Variants in PDLIM5 observed in about 807,000 individuals in gnomAD.
PDLIM5 encodes PDZ and LIM domain 5, also known as PDZ and LIM domain protein 5.
PDLIM5 carries 34 observed loss-of-function variants against 64.2 expected under a neutral mutation model. The ratio of observed to expected loss-of-function variants is 0.53; its 90% CI spans 0.40 to 0.71. The LOEUF (loss-of-function observed/expected upper bound fraction) is 0.71, where lower values mean the gene tolerates loss of function less well. Among genes scored for constraint, PDLIM5 ranks in the 30% least tolerant of loss-of-function variants. PDLIM5 has a pLI of 0.00. For missense variants in PDLIM5, 683 were observed against 733.6 expected, an observed-to-expected ratio of 0.93 and a Z score of 0.80; for synonymous variants, 253 against 269.1, an observed-to-expected ratio of 0.94 and a Z score of 0.59.
Position 94,554,423 on chromosome 4 carries a change from C to T in PDLIM5, c.249-18928C>T, listed in dbSNP as rs185269161. On this transcript the variant is annotated intron_variant, in intron 3 of 12. Transcript: ENST00000317968. ...ATATTTTGATAGATATCCATCTAGT[C>T]GTTTTTCTCTTCATATGTACTCATT... is the stretch of plus-strand genomic sequence containing the variant. Among the ~76,000 whole-genome samples the T allele has an allele frequency of 2.2e-3, 337 of 152,242 alleles. 1 individual carries two copies. The highest frequency in any genetic ancestry group is 7.3e-3 in the African/African-American group (304 of 41,556).
intron 2 of PDLIM5, among the ~76,000 whole-genome samples, chr4:94,508,274 C>G (rs1728567714): frequency 6.6e-6 from 1 of 152,072 alleles, no homozygotes; most frequent in South Asian, 2.1e-4. Context: ...ACATTTGGTG[C>G]TGTCTTGATA....
At chr4:94,513,879 T>G (rs957993315) in intron 2 of PDLIM5, among the ~76,000 whole-genome samples, 2 of 152,176 alleles carry the variant, frequency 1.3e-5, no homozygotes, top group African/African-American at 4.8e-5. Flanking sequence ...ATGGCTTTTA[T>G]TATGTTGTGG....
At chr4:94,499,076 CA>C (rs1727664275) in intron 2 of PDLIM5, among the ~76,000 whole-genome samples, 1 of 152,004 alleles carries the variant, frequency 6.6e-6, no homozygotes, top group Non-Finnish European at 1.5e-5. Context: ...TGAACACTTT[CA>C]AAATAATTTG....
chr4:94,555,755 T>C (rs889540377), intron 3 of PDLIM5, among the ~76,000 whole-genome samples: 1 of 152,028 alleles, frequency 6.6e-6, no homozygotes, highest in African/African-American at 2.4e-5. Flanking sequence ...GGTATAGGTA[T>C]AGGGTAAGAT....
At chr4:94,616,547 C>T (rs943078772) in intron 7 of PDLIM5, among the ~76,000 whole-genome samples, 6 of 152,182 alleles carry the variant, frequency 3.9e-5, no homozygotes, top group African/African-American at 1.4e-4. Context: ...TAATTTCAAA[C>T]CCTGATTCCA....
In PDLIM5 at chr4:94,523,884, CT is replaced by C. The variant is rs1730085586; in HGVS notation, c.248+14del. ...AATATGACTCTGCAAAGGTAAGTTG[CT>C]TTTTGTTTGTCCCTGAAAGAGAAAA... On this transcript the variant is annotated intron_variant, in intron 3 of 12. Coordinates refer to ENST00000317968, the MANE Select transcript of PDLIM5 (RefSeq NM_006457.5). 6.2e-7 allele frequency: 1 copy of C among 1,605,746 alleles called. No homozygotes were observed. Among genetic ancestry groups the C allele is most frequent in the South Asian group, 1.1e-5 (1 of 90,330 alleles).
intron 4 of PDLIM5, among the ~76,000 whole-genome samples, chr4:94,574,471 C>A (rs1392513152): frequency 6.8e-6 from 1 of 147,074 alleles, no homozygotes; most frequent in Non-Finnish European, 1.5e-5. Context: ...GCACTCCAGC[C>A]TCAGTGACAG....
At chr4:94,604,899 G>C (rs533927067) in intron 7 of PDLIM5, among the ~76,000 whole-genome samples, 1 of 152,290 alleles carries the variant, frequency 6.6e-6, no homozygotes, top group South Asian at 2.1e-4. Flanking sequence ...ATTGTCCATT[G>C]AATTTAGCCA....
chr4:94,519,431 C>T (rs918238332), intron 2 of PDLIM5, among the ~76,000 whole-genome samples: 8 of 152,248 alleles, frequency 5.3e-5, no homozygotes, highest in Admixed American at 3.9e-4. Context: ...GAAGCTGGGA[C>T]TTAGAGAGGT....
At position 94,640,427 on chromosome 4, in the gene PDLIM5, C is replaced by T. The variant is rs756551394; in HGVS notation, c.1260C>T (p.Cys420=). 1.9e-5 allele frequency: 31 copies of T among 1,602,320 alleles called. No individual in the cohort carries two copies. The highest frequency in any genetic ancestry group is 1.9e-4 in the South Asian group (17 of 89,574). The change falls in exon 9 of 13, where the codon TGC becomes TGT. Residue 420 remains cysteine (C), a synonymous_variant. Transcript: ENST00000317968. ...HIPAGKRTPM[C]AHCNQVIRGP... ...CAGCAGGGAAACGAACTCCGATGTG[C>T]GCCCATTGTAACCAGGTCATCAGGT...
rs1743068787 is a variant in PDLIM5 at position 94,666,090 on chromosome 4, T to C, written c.*2023T>C. Reference sequence around the variant, plus strand: ...ATTTGTTTGGGGCAAGGTGATTTTATAGTCGAGACAGAGCCCTAGGTCCTT... The same window carrying C: ...ATTTGTTTGGGGCAAGGTGATTTTACAGTCGAGACAGAGCCCTAGGTCCTT... On this transcript the variant is annotated 3_prime_UTR_variant, in exon 13 of 13. Coordinates refer to ENST00000317968, the MANE Select transcript of PDLIM5 (RefSeq NM_006457.5). 7.1e-7 allele frequency: 1 copy of C among 1,401,846 alleles called. No homozygotes were observed. The highest frequency in any genetic ancestry group is 2.0e-5 in the Admixed American group (1 of 49,614). The allele number at this position is 1,401,846 out of a possible 1,614,324, so 86.8% of individuals were successfully genotyped here. A position where few individuals can be genotyped will look rare whatever the true frequency, so the allele number is the denominator to read the frequency against.
At chr4:94,617,426 A>G (rs1393957251) in intron 7 of PDLIM5, among the ~76,000 whole-genome samples, 1 of 152,036 alleles carries the variant, frequency 6.6e-6, no homozygotes, top group Non-Finnish European at 1.5e-5. Context: ...TTTCTTGTTT[A>G]TTGTTTTGTG....
intron 9 of PDLIM5, among the ~76,000 whole-genome samples, chr4:94,651,362 A>T (rs973786193): frequency 1.3e-5 from 2 of 152,148 alleles, no homozygotes; most frequent in Non-Finnish European, 2.9e-5. Context: ...TACTGTCTAA[A>T]ATTCCTTTTG....
At chr4:94,485,849 C>CA (rs10637280) in intron 2 of PDLIM5, among the ~76,000 whole-genome samples, 50,251 of 99,866 alleles carry the variant, frequency 0.5, 10,508 homozygotes, top group Non-Finnish European at 0.54. Flanking sequence ...GACTCCGTCT[C>CA]AAAAAAAAAA....
chr4:94,542,912 G>A (rs1578341538), intron 3 of PDLIM5, among the ~76,000 whole-genome samples: 3 of 152,176 alleles, frequency 2.0e-5, no homozygotes, highest in Admixed American at 1.3e-4. Context: ...ACTTACTGGG[G>A]CACTAAATAC....
intron 11 of PDLIM5, 149 bp from the exon 12 acceptor site, chr4:94,662,273 G>A (rs1742794923): frequency 2.0e-6 from 1 of 497,722 alleles, no homozygotes; most frequent in Non-Finnish European, 3.7e-6. Flanking sequence ...CAAGCCAAAT[G>A]TTATGCCATC....
chr4:94,486,277 A>G (rs575199939), intron 2 of PDLIM5, among the ~76,000 whole-genome samples: 1 of 152,282 alleles, frequency 6.6e-6, no homozygotes, highest in African/African-American at 2.4e-5. Context: ...TAAGTTAGGC[A>G]AGGTTTTATA....
chr4:94,638,993 A>G (rs1740789450), intron 8 of PDLIM5, among the ~76,000 whole-genome samples: 1 of 152,228 alleles, frequency 6.6e-6, no homozygotes, highest in African/African-American at 2.4e-5. Flanking sequence ...AACACAGAAG[A>G]GAAACATTTA....
intron 3 of PDLIM5, among the ~76,000 whole-genome samples, chr4:94,565,241 A>G (rs566736203): frequency 1.4e-4 from 21 of 152,334 alleles, no homozygotes; most frequent in Admixed American, 1.4e-3. Context: ...ACTATAATAT[A>G]AGGGTGTTTG....
Sources: gnomAD v4.1 joint callset for allele counts (sites outside exome capture counted in the v4.1 genomes callset) on GRCh38, gnomAD v4.1.1 for gene constraint, MANE v1.5 for transcripts, NCBI Gene and HGNC (gene_info 2026-07-23, HGNC 2026-07-21) for gene names.